Variants in ALK observed in about 807,000 individuals in gnomAD.
The protein encoded by ALK is ALK tyrosine kinase receptor.
A neutral mutation model predicts 163.1 loss-of-function variants in ALK; 74 were observed. The ratio of observed to expected loss-of-function variants is 0.45; its 90% confidence interval spans 0.38 to 0.55. The LOEUF (loss-of-function observed/expected upper bound fraction) is 0.55. Ranked by LOEUF, ALK falls within the 20% of genes least tolerant of loss-of-function variation. The pLI is 0.00. For missense variants in ALK, 2,063 were observed against 2,105.3 expected, an observed-to-expected ratio of 0.98 and a Z score of 0.39; for synonymous variants, 960 against 843.2, an observed-to-expected ratio of 1.14 and a Z score of -2.40.
chr2:29,677,661 T>C (rs1255536029), intron 3 of ALK, among the ~76,000 whole-genome samples: 1 of 152,054 alleles, frequency 6.6e-6, no homozygotes, highest in Non-Finnish European at 1.5e-5. Context: ...ATCCTTTTCA[T>C]CCGTTGCTAA....
At position 29,831,259 on chromosome 2, in the gene ALK, G is replaced by GGAAGAAGAAGAAAGAAGAAGAAGAA. The variant is rs1665405947; in HGVS notation, c.667+88733_667+88734insTTCTTCTTCTTCTTTCTTCTTCTTC. 2.8e-4 allele frequency among the ~76,000 whole-genome samples: 8 copies of GGAAGAAGAAGAAAGAAGAAGAAGAA among 28,132 alleles called. 2 individuals carry two copies. Among genetic ancestry groups the GGAAGAAGAAGAAAGAAGAAGAAGAA allele is most frequent in the African/African-American group, 8.8e-4 (8 of 9,112 alleles). 18.5% of individuals were successfully genotyped at this position (28,132 alleles called of 152,430 possible). Reference sequence around the variant, plus strand: ...AGGAAGAAGAAGAGGAAGAGGAAGAGGAAGAAGAAGAAGAAGAAGAAGAAG... The same window carrying GGAAGAAGAAGAAAGAAGAAGAAGAA: ...AGGAAGAAGAAGAGGAAGAGGAAGAGGAAGAAGAAGAAAGAAGAAGAAGAAGAAGAAGAAGAAGAAGAAGAAGAAG... On this transcript the variant is annotated intron_variant, in intron 1 of 28. Transcript: ENST00000389048.
intron 1 of ALK, among the ~76,000 whole-genome samples, chr2:29,869,921 A>C (rs1313404122): frequency 1.3e-5 from 2 of 152,232 alleles, no homozygotes; most frequent in Non-Finnish European, 2.9e-5. Context: ...CTAAATGAGA[A>C]AATACAAATG....
chr2:29,494,260 G>T (rs1279055461), intron 4 of ALK, among the ~76,000 whole-genome samples: 2 of 152,330 alleles, frequency 1.3e-5, no homozygotes, highest in East Asian at 3.9e-4. Flanking sequence ...CAAGAGAACA[G>T]CTTCAAGCTT....
chr2:29,665,830 T>G (rs1178012447), intron 3 of ALK, among the ~76,000 whole-genome samples: 1 of 152,164 alleles, frequency 6.6e-6, no homozygotes, highest in East Asian at 1.9e-4. Flanking sequence ...TCAAATGATT[T>G]TTTTTTTCAT....
At chr2:29,823,049 T>C (rs1442192144) in intron 1 of ALK, among the ~76,000 whole-genome samples, 1 of 152,126 alleles carries the variant, frequency 6.6e-6, no homozygotes, top group Non-Finnish European at 1.5e-5. Context: ...CCATGGGAGG[T>C]AACTGAATCA....
At chr2:29,495,850 T>A (rs1288505029) in intron 4 of ALK, among the ~76,000 whole-genome samples, 1 of 152,228 alleles carries the variant, frequency 6.6e-6, no homozygotes, top group East Asian at 1.9e-4. Flanking sequence ...TGTAATTAAT[T>A]ATGCTGGCAC....
At chr2:29,771,028 C>G (rs962697471) in intron 1 of ALK, among the ~76,000 whole-genome samples, 13 of 151,968 alleles carry the variant, frequency 8.6e-5, no homozygotes, top group African/African-American at 3.1e-4. Flanking sequence ...TACACACAAA[C>G]ACAAACACAT....
chr2:29,764,278 G>A (rs1680796253), intron 1 of ALK, among the ~76,000 whole-genome samples: 1 of 152,176 alleles, frequency 6.6e-6, no homozygotes, highest in Non-Finnish European at 1.5e-5. Context: ...TCCAGCCAGA[G>A]AGGTGCCTGG....
intron 1 of ALK, among the ~76,000 whole-genome samples, chr2:29,754,972 C>G (rs1404804703): frequency 1.3e-5 from 2 of 152,126 alleles, no homozygotes; most frequent in Non-Finnish European, 2.9e-5. Context: ...AGATGGGAAG[C>G]CTCTTCTGGA....
chr2:29,223,224 G>A (rs1200415248), intron 20 of ALK, 118 bp downstream of exon 20: 25 of 1,065,558 alleles, frequency 2.3e-5, no homozygotes, highest in Non-Finnish European at 3.4e-5. Context: ...GAGGGCTAGG[G>A]GTGCCCATAG....
At chr2:29,411,641 C>G (rs1394992133) in intron 4 of ALK, among the ~76,000 whole-genome samples, 1 of 152,160 alleles carries the variant, frequency 6.6e-6, no homozygotes, top group Non-Finnish European at 1.5e-5. Flanking sequence ...CTGCTAAACC[C>G]TTCACTATGA....
At chr2:29,243,694 T>C (rs1337270626) in intron 12 of ALK, among the ~76,000 whole-genome samples, 1 of 152,238 alleles carries the variant, frequency 6.6e-6, no homozygotes, top group Non-Finnish European at 1.5e-5. Context: ...ACCCTGTGAA[T>C]CACGTTACAC....
At chr2:29,808,180 C>A (rs1289644216) in intron 1 of ALK, among the ~76,000 whole-genome samples, 1 of 152,204 alleles carries the variant, frequency 6.6e-6, no homozygotes, top group East Asian at 1.9e-4. Context: ...ATACTAAGTA[C>A]AAGTTACACA....
intron 13 of ALK, among the ~76,000 whole-genome samples, chr2:29,236,227 C>T (rs1664377956): frequency 6.6e-6 from 1 of 152,120 alleles, no homozygotes; most frequent in Admixed American, 6.5e-5. Flanking sequence ...GCCTCCTCAT[C>T]TGGAGATGGA....
intron 4 of ALK, among the ~76,000 whole-genome samples, chr2:29,511,993 C>A (rs1672533642): frequency 6.6e-6 from 1 of 152,052 alleles, no homozygotes; most frequent in African/African-American, 2.4e-5. Flanking sequence ...TATTTTCTCC[C>A]ACACTGTGGC....
chr2:29,203,587 A>G (rs534702014), intron 26 of ALK, among the ~76,000 whole-genome samples: 34 of 136,270 alleles, frequency 2.5e-4, no homozygotes, highest in African/African-American at 8.6e-4. Flanking sequence ...CCCAGGTTCA[A>G]GCAATTCTCT....
At chr2:29,370,003 G>A (rs900992470) in intron 5 of ALK, among the ~76,000 whole-genome samples, 1 of 152,176 alleles carries the variant, frequency 6.6e-6, no homozygotes, top group Non-Finnish European at 1.5e-5. Flanking sequence ...CGTGCACAGT[G>A]GATCTCTTGG....
intron 1 of ALK, among the ~76,000 whole-genome samples, chr2:29,780,768 G>A (rs1431074023): frequency 3.3e-5 from 5 of 152,210 alleles, no homozygotes; most frequent in African/African-American, 1.2e-4. Flanking sequence ...TGGCGAGAGT[G>A]TCTCCAAATC....
chr2:29,599,174 T>C (rs1045454797), intron 3 of ALK, among the ~76,000 whole-genome samples: 31 of 147,042 alleles, frequency 2.1e-4, no homozygotes, highest in Admixed American at 1.5e-3. Flanking sequence ...TTCACTTAAA[T>C]ATCTGACTCT....
Sources: gnomAD v4.1 joint callset for allele counts (sites outside exome capture counted in the v4.1 genomes callset) on GRCh38, gnomAD v4.1.1 for gene constraint, MANE v1.5 for transcripts, NCBI Gene and HGNC (gene_info 2026-07-23, HGNC 2026-07-21) for gene names.